The following LOXHD1 variants were observed in gnomAD, a reference collection of about 807,000 sequenced individuals.
LOXHD1 encodes the protein lipoxygenase homology domain-containing protein 1.
In LOXHD1, 205 loss-of-function variants were observed where a neutral mutation model predicts 248.2. The ratio of observed to expected loss-of-function variants is 0.83; its 90% CI spans 0.74 to 0.93. The LOEUF is 0.93. Among genes scored for constraint, LOXHD1 ranks in the 40% least tolerant of loss-of-function variants. The probability of loss-of-function intolerance (pLI) is 0.00; values close to 1 mark genes in which losing one functional copy is unlikely to be tolerated. For synonymous variants in LOXHD1, 1,113 were observed against 1,162.8 expected, an observed-to-expected ratio of 0.96 and a Z score of 0.87; for missense variants, 2,930 against 2,971.6, an observed-to-expected ratio of 0.99 and a Z score of 0.33.
intron 13 of LOXHD1, 54 bp downstream of exon 13, chr18:46,579,576 A>G: frequency 1.3e-6 from 2 of 1,549,534 alleles, no homozygotes; most frequent in Non-Finnish European, 1.7e-6. Flanking sequence ...ACGAGGGAAC[A>G]TGGGAAGGGA....
At chr18:46,499,902 C>G (rs559871887) in intron 37 of LOXHD1, among the ~76,000 whole-genome samples, 6 of 152,152 alleles carry the variant, frequency 3.9e-5, no homozygotes, top group Non-Finnish European at 7.4e-5. Context: ...ACAAATGAGG[C>G]CTCATGTTTC....
intron 12 of LOXHD1, among the ~76,000 whole-genome samples, chr18:46,583,310 C>T (rs1458932684): frequency 6.6e-6 from 1 of 152,092 alleles, no homozygotes; most frequent in Non-Finnish European, 1.5e-5. Flanking sequence ...CAAAAATAGA[C>T]AAATAATATT....
In LOXHD1 at chr18:46,592,443, AC is replaced by A; in HGVS notation, c.1518+54del. The A allele has an allele frequency of 2.9e-6, 4 of 1,387,170 alleles. No homozygotes were observed. In the African/African-American group the frequency reaches 4.3e-5, roughly 15 times the overall value. 85.9% of individuals were successfully genotyped at this position (1,387,170 alleles called of 1,614,324 possible). A position where few individuals can be genotyped will look rare whatever the true frequency, so the allele number is the denominator to read the frequency against. On this transcript the variant is annotated intron_variant, in intron 11 of 40. Transcript: ENST00000642948. Reference sequence around the variant, plus strand: ...TATGTGACAGGGTCATTGAAAAGGGACCATCCTTGTTCCTTTCCCAACAACC... The same window carrying A: ...TATGTGACAGGGTCATTGAAAAGGGACATCCTTGTTCCTTTCCCAACAACC...
At chr18:46,580,840 A>T (rs2144154163) in intron 12 of LOXHD1, among the ~76,000 whole-genome samples, 1 of 152,268 alleles carries the variant, frequency 6.6e-6, no homozygotes, top group South Asian at 2.1e-4. Context: ...AATTCTGGCA[A>T]GTGCAAAGGC....
At chr18:46,628,399 C>T (rs991061349) in intron 4 of LOXHD1, among the ~76,000 whole-genome samples, 1 of 152,170 alleles carries the variant, frequency 6.6e-6, no homozygotes, top group Non-Finnish European at 1.5e-5. Context: ...CTTGCCCCCA[C>T]CTGGGAATTC....
At chr18:46,561,156 C>G (rs754660354) in intron 18 of LOXHD1, among the ~76,000 whole-genome samples, 47 of 152,218 alleles carry the variant, frequency 3.1e-4, no homozygotes, top group African/African-American at 4.8e-5. Context: ...AGCACATGGC[C>G]TCAGCCTGAC....
At chr18:46,599,822 C>T (rs1465806081) in intron 8 of LOXHD1, among the ~76,000 whole-genome samples, 2 of 152,088 alleles carry the variant, frequency 1.3e-5, no homozygotes, top group Non-Finnish European at 2.9e-5. Flanking sequence ...ACACATTCAA[C>T]CTTGGTAGTA....
At chr18:46,631,367 G>C (rs1008420197) in intron 4 of LOXHD1, among the ~76,000 whole-genome samples, 1 of 152,214 alleles carries the variant, frequency 6.6e-6, no homozygotes, top group African/African-American at 2.4e-5. Flanking sequence ...GCCAGAGCAC[G>C]TGTGAACCAC....
In LOXHD1 at chr18:46,621,204, C is replaced by A. The variant is rs553871376; in HGVS notation, c.512-2914G>T. 2.6e-5 allele frequency among the ~76,000 whole-genome samples: 4 copies of A among 152,282 alleles called. No individual in the cohort carries two copies. The South Asian group carries it at 8.3e-4, about 32-fold the overall frequency. ...CAGTTGGCTGGGTGGAGAATAGGAT[C>A]CCTGTGTGACAGGTGACTGCCAATC... is the stretch of plus-strand genomic sequence containing the variant. On this transcript the variant is annotated intron_variant, in intron 4 of 40. Coordinates refer to ENST00000642948, the MANE Select transcript of LOXHD1 (RefSeq NM_001384474.1).
Position 46,594,477 on chromosome 18 carries a change from T to C in LOXHD1, c.1135-11A>G, listed in dbSNP as rs1218301365. Reference sequence around the variant, plus strand: ...GCACAGAATCACCACCTGGGGAGAGTGGAGCACAGTGTCTCCGGCATTGAG... The same window carrying C: ...GCACAGAATCACCACCTGGGGAGAGCGGAGCACAGTGTCTCCGGCATTGAG... On this transcript the variant is annotated splice_polypyrimidine_tract_variant and intron_variant, in intron 8 of 40. Transcript: ENST00000642948. 3.2e-6 allele frequency: 5 copies of C among 1,550,836 alleles called. No homozygotes were observed. The highest frequency in any genetic ancestry group is 4.4e-6 in the Non-Finnish European group (5 of 1,146,928).
chr18:46,539,774 G>C (rs1452377084), intron 25 of LOXHD1, among the ~76,000 whole-genome samples: 1 of 151,614 alleles, frequency 6.6e-6, no homozygotes, highest in African/African-American at 2.4e-5. Flanking sequence ...AATTGCTCTG[G>C]GTCACAGTAA....
chr18:46,481,348 C>A (rs2032549427), intron 40 of LOXHD1, among the ~76,000 whole-genome samples: 1 of 152,052 alleles, frequency 6.6e-6, no homozygotes, highest in South Asian at 2.1e-4. Flanking sequence ...AGGTTTTCAT[C>A]CAGCAGAGAA....
chr18:46,573,295 G>A (rs1049099874), intron 14 of LOXHD1, among the ~76,000 whole-genome samples: 1 of 152,156 alleles, frequency 6.6e-6, no homozygotes, highest in African/African-American at 2.4e-5. Flanking sequence ...CAGGCGGAAA[G>A]GTATGGGGCA....
At chr18:46,503,218 AG>A (rs920994578) in intron 37 of LOXHD1, among the ~76,000 whole-genome samples, 1 of 152,214 alleles carries the variant, frequency 6.6e-6, no homozygotes, top group Non-Finnish European at 1.5e-5. Flanking sequence ...TGATTAAGGC[AG>A]GGACATAGTT....
At chr18:46,533,089 C>A in intron 28 of LOXHD1, 73 bp downstream of exon 28, 2 of 1,491,428 alleles carry the variant, frequency 1.3e-6, no homozygotes, top group Non-Finnish European at 9.1e-7. Flanking sequence ...TAGCCTGGCA[C>A]AGGGCATGTG....
chr18:46,527,389 C>T (rs1432177547), intron 29 of LOXHD1, among the ~76,000 whole-genome samples: 2 of 152,318 alleles, frequency 1.3e-5, no homozygotes, highest in South Asian at 2.1e-4. Flanking sequence ...CAAGACTTGA[C>T]AACATCCAGC....
At chr18:46,593,543 G>A (rs973572150) in intron 10 of LOXHD1, 57 bp downstream of exon 10, 39 of 1,531,990 alleles carry the variant, frequency 2.5e-5, no homozygotes, top group African/African-American at 5.5e-5. Context: ...TCCCCAGGAC[G>A]AATGCCCTAC....
rs770562187 is a variant in LOXHD1, at chr18:46,489,157, C to G, written c.5879-15G>C. ...AGGAAATATCCCTGTGGAAAAGACACCATGGGGGTTGGAAGCTGGATGTGC... is the reference window on the plus strand; with the variant it reads ...AGGAAATATCCCTGTGGAAAAGACAGCATGGGGGTTGGAAGCTGGATGTGC... On this transcript the variant is annotated splice_polypyrimidine_tract_variant and intron_variant, in intron 37 of 40. Coordinates refer to ENST00000642948, the MANE Select transcript of LOXHD1 (RefSeq NM_001384474.1). 46 of 1,551,464 alleles carry G rather than the reference C, an allele frequency of 3.0e-5. No homozygotes were observed. The highest frequency in any genetic ancestry group is 9.8e-5 in the Admixed American group (5 of 50,974).
intron 34 of LOXHD1, among the ~76,000 whole-genome samples, 199 bp downstream of exon 34, chr18:46,517,929 AG>A (rs1427242174): frequency 6.6e-6 from 1 of 152,244 alleles, no homozygotes; most frequent in Non-Finnish European, 1.5e-5. Context: ...GAGGTGATCA[AG>A]GAATACTTCC....
Sources: allele counts gnomAD v4.1 joint callset (sites outside exome capture counted in the v4.1 genomes callset), GRCh38; gene constraint gnomAD v4.1.1; transcripts MANE v1.5; gene names NCBI Gene and HGNC (gene_info 2026-07-23, HGNC 2026-07-21).